FXN: variants seen among roughly 807,000 people sequenced by gnomAD.
FXN encodes the protein frataxin, mitochondrial.
FXN carries 14 observed loss-of-function variants against 22.4 expected under a neutral mutation model. The ratio of observed to expected loss-of-function variants is 0.62; its 90% CI spans 0.41 to 0.98. The LOEUF (loss-of-function observed/expected upper bound fraction) is 0.98, where lower values mean the gene tolerates loss of function less well. FXN is among the 50% of genes least tolerant of loss of function. The probability of loss-of-function intolerance (pLI) is 0.00; values close to 1 mark genes in which losing one functional copy is unlikely to be tolerated. For missense variants in FXN, 267 were observed against 268.4 expected (o/e 0.99, Z 0.04); for synonymous variants, 120 against 114.1 (o/e 1.05, Z -0.33).
intron 1 of FXN, among the ~76,000 whole-genome samples, chr9:69,039,760 G>A (rs1260542331): frequency 6.6e-6 from 1 of 152,150 alleles, no homozygotes. Flanking sequence ...ATGTTTCTTA[G>A]TCCATTTTCT....
intron 4 of FXN, among the ~76,000 whole-genome samples, chr9:69,067,938 A>G (rs1832200932): frequency 6.6e-6 from 1 of 152,212 alleles, no homozygotes; most frequent in Admixed American, 6.5e-5. Context: ...AGTCAACAAG[A>G]AAACAGGGCC....
intron 4 of FXN, among the ~76,000 whole-genome samples, chr9:69,067,535 C>CA (rs1832191782): frequency 6.6e-6 from 1 of 152,174 alleles, no homozygotes; most frequent in Non-Finnish European, 1.5e-5. Flanking sequence ...TGCACCCGCC[C>CA]AACTTGGCTA....
intron 1 of FXN, 85 bp from the exon 2 acceptor site, chr9:69,046,300 G>A (rs550664246): frequency 2.1e-6 from 2 of 964,540 alleles, no homozygotes; most frequent in South Asian, 2.7e-5. Flanking sequence ...GCACTCGAAT[G>A]TAGAAGTAGC....
intron 2 of FXN, among the ~76,000 whole-genome samples, chr9:69,047,848 G>T (rs1369198601): frequency 6.6e-6 from 1 of 152,108 alleles, no homozygotes; most frequent in Non-Finnish European, 1.5e-5. Flanking sequence ...CTCCTGAGTA[G>T]CTGGGACTAT....
intron 2 of FXN, among the ~76,000 whole-genome samples, chr9:69,051,982 G>A (rs1461777433): frequency 6.6e-6 from 1 of 151,992 alleles, no homozygotes; most frequent in Non-Finnish European, 1.5e-5. Context: ...CGAGTAGCTG[G>A]GATTACAGGC....
chr9:69,059,011 T>C (rs986946880), intron 3 of FXN, among the ~76,000 whole-genome samples: 1 of 151,694 alleles, frequency 6.6e-6, no homozygotes, highest in Non-Finnish European at 1.5e-5. Context: ...GAGCTTGCAG[T>C]GAGCCAGGAT....
chr9:69,069,367 AAAG>A lies in FXN; in HGVS notation c.483-3244_483-3242del, dbSNP rs144227768. Among the ~76,000 whole-genome samples the A allele has an allele frequency of 2.0e-3, 310 of 152,230 alleles. 2 individuals are homozygous for A. Among genetic ancestry groups the A allele is most frequent in the African/African-American group, 7.1e-3 (293 of 41,550 alleles). On this transcript the variant is annotated intron_variant, in intron 4 of 4. Coordinates refer to ENST00000484259, the MANE Select transcript of FXN (RefSeq NM_000144.5). ...GCGACAGAGTGAGACTGTCTCAAAA[AAAG>A]GAGGAGAAGAAGGAAAGGCCAAGGC...
rs891924793 is a variant in FXN at position 69,054,600 on chromosome 9, G to A, written c.384+1340G>A. 6.8e-4 allele frequency among the ~76,000 whole-genome samples: 103 copies of A among 151,892 alleles called. 5 individuals carry two copies. Among genetic ancestry groups the A allele is most frequent in the African/African-American group, 6.3e-4 (26 of 41,344 alleles). ...GATCTCACTGCAACCTCTGCCTCTC[G>A]GGTTCAAGCAGTTCTCCTGCCTCAA... On this transcript the variant is annotated intron_variant, in intron 3 of 4. Transcript: ENST00000484259.
chr9:69,077,277 C>T lies in FXN; in HGVS notation c.*4515C>T, dbSNP rs115046450. 1.6e-4 allele frequency: 156 copies of T among 985,358 alleles called. 2 individuals are homozygous for T. The African/African-American group carries it at 2.6e-3, about 16-fold the overall frequency. 61.0% of individuals were successfully genotyped at this position (985,358 alleles called of 1,614,324 possible). ...GACACTTGGAGTGCATCCCGAAGTA[C>T]CTGATCAGTGGCCCCTTTGGAATGT... On this transcript the variant is annotated 3_prime_UTR_variant, in exon 5 of 5. Transcript: ENST00000484259.
At position 69,076,276 on chromosome 9, in the gene FXN, A is replaced by C; in HGVS notation, c.*3514A>C. ...TCTAACATGTTGAGCCTGGGCCCAC[A>C]GGCAAAGCACAATCCTGATGTGAGA... On this transcript the variant is annotated 3_prime_UTR_variant, in exon 5 of 5. Coordinates refer to ENST00000484259, the MANE Select transcript of FXN (RefSeq NM_000144.5). 1.0e-6 allele frequency: 1 copy of C among 984,262 alleles called. No homozygotes were observed. The highest frequency in any genetic ancestry group is 1.2e-6 in the Non-Finnish European group (1 of 829,586). 61.0% of individuals were successfully genotyped at this position (984,262 alleles called of 1,614,324 possible).
intron 2 of FXN, among the ~76,000 whole-genome samples, chr9:69,052,405 C>T (rs1022412215): frequency 1.3e-5 from 2 of 152,090 alleles, no homozygotes; most frequent in East Asian, 1.9e-4. Context: ...CCACCTACCT[C>T]GGCCTCCGAA....
At chr9:69,067,330 C>G (rs1001266838) in intron 4 of FXN, among the ~76,000 whole-genome samples, 1 of 152,260 alleles carries the variant, frequency 6.6e-6, no homozygotes, top group Non-Finnish European at 1.5e-5. Context: ...AGCGCGGGAG[C>G]GCCGTGTAGC....
intron 4 of FXN, 105 bp from the exon 5 acceptor site, chr9:69,072,507 T>G: frequency 6.2e-7 from 1 of 1,601,422 alleles, no homozygotes; most frequent in Non-Finnish European, 8.5e-7. Flanking sequence ...TGTTATTTTC[T>G]AGAGCTTTAC....
intron 1 of FXN, among the ~76,000 whole-genome samples, chr9:69,040,456 C>T (rs974381870): frequency 1.3e-5 from 2 of 152,170 alleles, no homozygotes; most frequent in Admixed American, 1.3e-4. Flanking sequence ...ATCACGAGTT[C>T]AGGAGATGGA....
chr9:69,070,658 T>C (rs1394280226), intron 4 of FXN, among the ~76,000 whole-genome samples: 2 of 152,188 alleles, frequency 1.3e-5, no homozygotes, highest in Non-Finnish European at 2.9e-5. Flanking sequence ...CTTATTGAAG[T>C]TTGATTGATA....
rs1832339344 is a variant in FXN, at chr9:69,074,911, T to C, written c.*2149T>C. 2.0e-6 allele frequency: 2 copies of C among 985,310 alleles called. No homozygotes were observed. Among genetic ancestry groups the C allele is most frequent in the Non-Finnish European group, 2.4e-6 (2 of 829,934 alleles). The allele number at this position is 985,310 out of a possible 1,614,324, so 61.0% of individuals were successfully genotyped here. On this transcript the variant is annotated 3_prime_UTR_variant, in exon 5 of 5. Transcript: ENST00000484259. Reference sequence around the variant, plus strand: ...ATACATGTTTGTATGTGTTTGCATCTTGCTTCTACTGAAAGTTTCAGTGCA... The same window carrying C: ...ATACATGTTTGTATGTGTTTGCATCCTGCTTCTACTGAAAGTTTCAGTGCA...
chr9:69,076,241 A>G lies in FXN; in HGVS notation c.*3479A>G. On this transcript the variant is annotated 3_prime_UTR_variant, in exon 5 of 5. Coordinates refer to ENST00000484259, the MANE Select transcript of FXN (RefSeq NM_000144.5). ...TGTTTTTTTTTTTTTTAATCTATAA[A>G]ATGGAGATATCTAACATGTTGAGCC... 1.0e-6 allele frequency: 1 copy of G among 981,444 alleles called. No homozygotes were observed. Among genetic ancestry groups the G allele is most frequent in the Non-Finnish European group, 1.2e-6 (1 of 828,108 alleles). 60.8% of individuals were successfully genotyped at this position (981,444 alleles called of 1,614,324 possible).
rs1012301269 is a variant in FXN, at chr9:69,078,664, G to C, written c.*5902G>C. On this transcript the variant is annotated 3_prime_UTR_variant, in exon 5 of 5. Coordinates refer to ENST00000484259, the MANE Select transcript of FXN (RefSeq NM_000144.5). ...TGACTCCAGCAATCCCAAATCCCCA[G>C]ATCCCTAAGTGTGCTGTGCTATTTT... 3.1e-6 allele frequency: 3 copies of C among 974,386 alleles called. No individual in the cohort carries two copies. The African/African-American group carries it at 5.7e-5, about 19-fold the overall frequency. 60.4% of individuals were successfully genotyped at this position (974,386 alleles called of 1,614,324 possible).
At position 69,035,990 on chromosome 9, in the gene FXN, G is replaced by C. The variant is rs1041575104; in HGVS notation, c.165+43G>C. 3 of 1,374,294 alleles carry C rather than the reference G, an allele frequency of 2.2e-6. No individual in the cohort carries two copies. In the Admixed American group the frequency reaches 9.2e-5, roughly 42 times the overall value. 85.1% of individuals were successfully genotyped at this position (1,374,294 alleles called of 1,614,324 possible). On this transcript the variant is annotated intron_variant, in intron 1 of 4. Coordinates refer to ENST00000484259, the MANE Select transcript of FXN (RefSeq NM_000144.5). ...GAACAGCCGCGGGCCGCACGCCGCG[G>C]GCCGCACGCCGCACGCCTGCGCAGG...
Sources: allele counts gnomAD v4.1 joint callset (sites outside exome capture counted in the v4.1 genomes callset), GRCh38; gene constraint gnomAD v4.1.1; transcripts MANE v1.5; gene names NCBI Gene and HGNC (gene_info 2026-07-23, HGNC 2026-07-21).